Variants in DMD observed in about 807,000 individuals in gnomAD.
DMD encodes mutant dystrophin.
DMD carries 63 observed loss-of-function variants against 330.1 expected under a neutral mutation model. The ratio of observed to expected loss-of-function variants is 0.19; its 90% CI spans 0.16 to 0.24. The LOEUF is 0.24. Ranked by LOEUF, DMD falls within the 10% of genes least tolerant of loss-of-function variation. The pLI, the probability that DMD is intolerant of heterozygous loss-of-function variation, is 1.00. For missense variants in DMD, 3,344 were observed against 2,684.1 expected (o/e 1.25, Z -5.43); for synonymous variants, 1,223 against 959.8 (o/e 1.27, Z -5.07).
At chrX:33,084,746 G>A (rs1314329910) in intron 1 of DMD, among the ~76,000 whole-genome samples, 3 of 111,695 alleles carry the variant, frequency 2.7e-5, no homozygotes, top group Non-Finnish European at 3.8e-5. Flanking sequence ...TGTGGCTGAT[G>A]TTAGTCCTAC....
intron 2 of DMD, among the ~76,000 whole-genome samples, chrX:32,933,751 G>T (rs2089778631): frequency 8.9e-6 from 1 of 111,890 alleles, no homozygotes; most frequent in African/African-American, 3.2e-5. Flanking sequence ...CTCGACAACT[G>T]AAGCAGCTGA....
intron 44 of DMD, among the ~76,000 whole-genome samples, chrX:31,972,442 T>G (rs2095406696): frequency 9.0e-6 from 1 of 111,150 alleles, no homozygotes; most frequent in East Asian, 2.8e-4. Flanking sequence ...CAAAACTGCA[T>G]GAAAACACAA....
chrX:32,338,446 T>C (rs2097725781), intron 41 of DMD, among the ~76,000 whole-genome samples: 1 of 111,466 alleles, frequency 9.0e-6, no homozygotes, highest in African/African-American at 3.3e-5. Flanking sequence ...ATATTTTCAT[T>C]TCCAGACTTT....
intron 55 of DMD, among the ~76,000 whole-genome samples, chrX:31,595,390 C>T (rs1350033207): frequency 2.7e-5 from 3 of 111,020 alleles, no homozygotes; most frequent in Non-Finnish European, 5.7e-5. Context: ...CTTCCACACC[C>T]TTGATTCCAT....
chrX:33,044,298 G>A (rs935104994), intron 1 of DMD, among the ~76,000 whole-genome samples: 2 of 111,151 alleles, frequency 1.8e-5, no homozygotes, highest in African/African-American at 6.6e-5. Context: ...CGGGCGTGGT[G>A]GTGCATGCCT....
intron 1 of DMD, among the ~76,000 whole-genome samples, chrX:33,255,234 AG>A (rs1235333029): frequency 9.0e-6 from 1 of 111,107 alleles, no homozygotes; most frequent in African/African-American, 3.2e-5. Context: ...TGGAAGTCCA[AG>A]GGGAATTCCA....
chrX:31,683,938 C>T (rs1182936056), intron 52 of DMD, among the ~76,000 whole-genome samples: 6 of 111,967 alleles, frequency 5.4e-5, no homozygotes, highest in African/African-American at 1.9e-4. Flanking sequence ...TAATTGTTTA[C>T]GTTCTTTTTC....
At chrX:33,041,875 A>C (rs977531743) in intron 1 of DMD, among the ~76,000 whole-genome samples, 5 of 69,627 alleles carry the variant, frequency 7.2e-5, no homozygotes, top group Non-Finnish European at 1.1e-4. Context: ...TAATATGTCA[A>C]ATAAATGAGT....
chrX:33,283,222 G>A (rs777202853), intron 1 of DMD, among the ~76,000 whole-genome samples: 2 of 112,174 alleles, frequency 1.8e-5, no homozygotes, highest in South Asian at 7.4e-4. Context: ...GTACATGTCA[G>A]CCTTTGAAAT....
intron 1 of DMD, among the ~76,000 whole-genome samples, chrX:33,110,969 A>G (rs1603296500): frequency 9.0e-6 from 1 of 110,995 alleles, no homozygotes; most frequent in African/African-American, 3.3e-5. Flanking sequence ...AATCTGATAA[A>G]CTTGTCAATG....
chrX:32,841,003 T>C (rs1030393606), intron 4 of DMD, among the ~76,000 whole-genome samples: 1 of 112,065 alleles, frequency 8.9e-6, no homozygotes, highest in African/African-American at 3.2e-5. Flanking sequence ...CTGAATTATA[T>C]TTCCAGAAGT....
At chrX:31,469,971 T>TA (rs2067172176) in intron 59 of DMD, among the ~76,000 whole-genome samples, 2 of 111,318 alleles carry the variant, frequency 1.8e-5, no homozygotes, top group African/African-American at 6.5e-5. Flanking sequence ...TGGCTATTGA[T>TA]ACTTGTGTAT....
chrX:32,386,409 A>C lies in DMD; in HGVS notation c.4575T>G (p.Thr1525=). ...GCTTTTTCTGTACAATCTGACGTCCAGTCTTTATCACCATTTCCACTTCAG... is the reference window on the plus strand; with the variant it reads ...GCTTTTTCTGTACAATCTGACGTCCCGTCTTTATCACCATTTCCACTTCAG... ...VKSEVEMVIK[T]GRQIVQKKQT... Residue 1525 remains threonine, a synonymous_variant, in exon 33 of 79, where the codon ACT becomes ACG. Coordinates refer to ENST00000357033, the MANE Select transcript of DMD (RefSeq NM_004006.3). 8.3e-7 allele frequency: 1 copy of C among 1,208,358 alleles called. No homozygotes were observed. Among genetic ancestry groups the C allele is most frequent in the Non-Finnish European group, 1.1e-6 (1 of 892,855 alleles).
rs190747131 is a variant in DMD at position 32,115,409 on chromosome X, C to T, written c.6438+101507G>A. Among the ~76,000 whole-genome samples the T allele has an allele frequency of 4.0e-4, 44 of 110,543 alleles. No individual in the cohort carries two copies. In the East Asian group the frequency reaches 9.8e-3, roughly 25 times the overall value. On this transcript the variant is annotated intron_variant, in intron 44 of 78. Transcript: ENST00000357033. ...TGCCACCACACCCGATTAATTTTTG[C>T]GCGCGTGTGTGTGTGTAGAGGCGAG... is the stretch of plus-strand genomic sequence containing the variant.
chrX:32,585,592 C>A (rs1158629165), intron 13 of DMD, among the ~76,000 whole-genome samples: 4 of 102,682 alleles, frequency 3.9e-5, no homozygotes, highest in South Asian at 4.7e-4. Flanking sequence ...CCCAGCTACT[C>A]GGGAGTCTGA....
chrX:31,642,789 A>T (rs2079848025), intron 54 of DMD, among the ~76,000 whole-genome samples: 1 of 111,991 alleles, frequency 8.9e-6, no homozygotes, highest in African/African-American at 3.2e-5. Flanking sequence ...AGGCCAGTTT[A>T]TAGGATAACT....
chrX:32,414,967 AGAGCCTCTATT>A (rs1439690376), intron 29 of DMD, among the ~76,000 whole-genome samples: 2 of 111,949 alleles, frequency 1.8e-5, no homozygotes. Flanking sequence ...GGCTATAATC[AGAGCCTCTATT>A]GCAGAGGAGA....
intron 1 of DMD, among the ~76,000 whole-genome samples, chrX:33,311,353 T>C (rs1159706254): frequency 9.1e-6 from 1 of 110,372 alleles, no homozygotes; most frequent in Admixed American, 9.8e-5. Context: ...CTATAATATA[T>C]ATACACCTGT....
intron 1 of DMD, among the ~76,000 whole-genome samples, chrX:33,271,614 A>T (rs1020976763): frequency 9.2e-6 from 1 of 108,829 alleles, no homozygotes; most frequent in African/African-American, 3.3e-5. Flanking sequence ...TAAAAATATA[A>T]AAATTAGCCG....
Sources: allele counts gnomAD v4.1 joint callset (sites outside exome capture counted in the v4.1 genomes callset), GRCh38; gene constraint gnomAD v4.1.1; transcripts MANE v1.5; gene names NCBI Gene and HGNC (gene_info 2026-07-23, HGNC 2026-07-21).